Variants in DOT1L observed in about 807,000 individuals in gnomAD.
The protein encoded by DOT1L is histone-lysine N-methyltransferase, H3 lysine-79 specific.
A neutral mutation model predicts 153.3 loss-of-function variants in DOT1L; 33 were observed. The ratio of observed to expected loss-of-function variants is 0.22; its 90% CI spans 0.16 to 0.29. The LOEUF is 0.29. Ranked by LOEUF, DOT1L falls within the 10% of genes least tolerant of loss-of-function variation. The pLI is 1.00. For synonymous variants in DOT1L, 1,135 were observed against 965.1 expected, an observed-to-expected ratio of 1.18 and a Z score of -3.26; for missense variants, 1,847 against 2,119.9, an observed-to-expected ratio of 0.87 and a Z score of 2.53.
At chr19:2,229,493 CTT>C (rs2024508032) in intron 27 of DOT1L, 2 of 985,488 alleles carry the variant, frequency 2.0e-6, no homozygotes, top group Non-Finnish European at 2.4e-6. Context: ...TGCTGGGTCT[CTT>C]AGGAGATGAG....
Position 2,164,236 on chromosome 19 carries a change from G to A in DOT1L, c.52G>A (p.Ala18Thr), listed in dbSNP as rs2144620411. The stretch of plus-strand genomic sequence containing the variant: ...GAAGTCGCCCGTGGGGGCTGAGCCC[G>A]CCGTCTACCCGTGGCCGCTGCCGGT... ...RLKSPVGAEP[A>T]VYPWPLPVYD... Residue 18 changes from alanine to threonine, a missense_variant, in exon 1 of 28, where the codon GCC (alanine) becomes ACC (threonine). By Grantham distance (58) the Ala-to-Thr change is moderately conservative. Transcript: ENST00000398665. The A allele has an allele frequency of 1.6e-6, 2 of 1,269,320 alleles. No individual in the cohort carries two copies. 78.6% of individuals were successfully genotyped at this position (1,269,320 alleles called of 1,614,324 possible). A position where few individuals can be genotyped will look rare whatever the true frequency, so the allele number is the denominator to read the frequency against.
chr19:2,192,672 CAA>C (rs71176526), intron 5 of DOT1L, among the ~76,000 whole-genome samples: 3,096 of 95,026 alleles, frequency 0.033, 104 homozygotes, highest in African/African-American at 0.12. Context: ...GACTCCGTCT[CAA>C]AAAAAAAAAA....
chr19:2,200,467 C>T (rs1293070353), intron 8 of DOT1L, among the ~76,000 whole-genome samples: 2 of 152,230 alleles, frequency 1.3e-5, no homozygotes, highest in African/African-American at 4.8e-5. Flanking sequence ...CCTGTTTGTC[C>T]TGGTGGCCAC....
intron 1 of DOT1L, among the ~76,000 whole-genome samples, chr19:2,179,817 T>C (rs929944726): frequency 1.3e-5 from 2 of 152,166 alleles, no homozygotes; most frequent in Non-Finnish European, 2.9e-5. Flanking sequence ...AAAAAAGACA[T>C]GGGCTCTCGC....
intron 9 of DOT1L, among the ~76,000 whole-genome samples, chr19:2,205,003 C>G (rs1182180950): frequency 1.3e-5 from 2 of 151,822 alleles, no homozygotes; most frequent in Non-Finnish European, 2.9e-5. Flanking sequence ...CGGAGTCTCA[C>G]TCTGTCGCCC....
chr19:2,178,808 A>G (rs1041692292), intron 1 of DOT1L, among the ~76,000 whole-genome samples: 3 of 152,030 alleles, frequency 2.0e-5, no homozygotes, highest in Non-Finnish European at 4.4e-5. Flanking sequence ...CTCGTGATCC[A>G]CCTGCCTCAG....
At chr19:2,210,569 C>G in intron 13 of DOT1L, 52 bp from the exon 14 acceptor site, 2 of 1,596,542 alleles carry the variant, frequency 1.3e-6, no homozygotes, top group Non-Finnish European at 1.7e-6. Context: ...CCGGGAGACC[C>G]CATGGGTGGG....
chr19:2,226,215 G>A lies in DOT1L; in HGVS notation c.3694G>A (p.Ala1232Thr), dbSNP rs954955213. 1.6e-5 allele frequency: 24 copies of A among 1,525,642 alleles called. No individual in the cohort carries two copies. Among genetic ancestry groups the A allele is most frequent in the Admixed American group, 2.0e-5 (1 of 49,088 alleles). 94.5% of individuals were successfully genotyped at this position (1,525,642 alleles called of 1,614,324 possible). A position where few individuals can be genotyped will look rare whatever the true frequency, so the allele number is the denominator to read the frequency against. Residue 1232 changes from alanine to threonine, a missense_variant, in exon 27 of 28, where the codon GCC becomes ACC. Ala to Thr is a moderately conservative substitution (Grantham distance 58). This residue lies in a region of DOT1L where 934 missense variants were observed against 825.3 expected (regional missense o/e 1.13). Coordinates refer to ENST00000398665, the MANE Select transcript of DOT1L (RefSeq NM_032482.3). ...CTTGGCGGGAAGGAAGCCCGCGCCC[G>A]CCGGCGAGCCAGTCAATAGCAGCAA... ...GGLAGRKPAP[A>T]GEPVNSSKWK...
intron 3 of DOT1L, among the ~76,000 whole-genome samples, chr19:2,187,782 C>T (rs191971773): frequency 8.4e-4 from 128 of 152,182 alleles, no homozygotes; most frequent in East Asian, 7.5e-3. Flanking sequence ...ATTAGCCGGG[C>T]GTGGTGGCGG....
chr19:2,210,909 G>T (rs888247468), intron 14 of DOT1L, 54 bp downstream of exon 14: 47 of 1,590,112 alleles, frequency 3.0e-5, no homozygotes, highest in Non-Finnish European at 3.9e-5. Flanking sequence ...GATGCCTGGG[G>T]TCCCCTCTGC....
In DOT1L at chr19:2,226,796, C is replaced by T. The variant is rs751490828; in HGVS notation, c.4275C>T (p.Asn1425=). 1.8e-5 allele frequency: 28 copies of T among 1,579,698 alleles called. No individual in the cohort carries two copies. The highest frequency in any genetic ancestry group is 6.9e-5 in the African/African-American group (5 of 72,804). The change falls in exon 27 of 28, where the codon AAC becomes AAT. Residue 1425 remains asparagine, a synonymous_variant. Transcript: ENST00000398665. ...DREVDLKNGH[N]LFISAAAVPP... The stretch of plus-strand genomic sequence containing the variant: ...AGGTCGACCTCAAGAATGGCCACAA[C>T]CTCTTCATCTCTGCGGCGGCCGTGC...
At position 2,216,840 on chromosome 19, in the gene DOT1L, T is replaced by G. The variant is rs945416311; in HGVS notation, c.2408+75T>G. ...TGCCTGGTGTGCTCAGGCTGTCGGG[T>G]TCTCAGCAGGAGTGTGTTTGTTGAG... On this transcript the variant is annotated intron_variant, in intron 20 of 27. Coordinates refer to ENST00000398665, the MANE Select transcript of DOT1L (RefSeq NM_032482.3). 4.5e-6 allele frequency: 7 copies of G among 1,554,208 alleles called. No homozygotes were observed. The African/African-American group carries it at 9.5e-5, about 21-fold the overall frequency.
intron 1 of DOT1L, among the ~76,000 whole-genome samples, chr19:2,165,768 CA>C (rs1466155224): frequency 6.9e-6 from 1 of 144,568 alleles, no homozygotes; most frequent in Non-Finnish European, 1.5e-5. Flanking sequence ...CATGGCTTCA[CA>C]TTTTTTTTTT....
rs1433806580 is a variant in DOT1L at position 2,231,818 on chromosome 19, C to CA, written c.*2027dup. On this transcript the variant is annotated 3_prime_UTR_variant, in exon 28 of 28. Coordinates refer to ENST00000398665, the MANE Select transcript of DOT1L (RefSeq NM_032482.3). ...TAGGTGACAGTGGCAGTCCGGGTGC[C>CA]ATCACGGGTCCTGCAGATGGCCATG... 4 of 218,810 alleles carry CA rather than the reference C, an allele frequency of 1.8e-5. No individual in the cohort carries two copies. Among genetic ancestry groups the CA allele is most frequent in the Admixed American group, 5.8e-5 (1 of 17,206 alleles). The allele number at this position is 218,810 out of a possible 1,614,324, so 13.6% of individuals were successfully genotyped here.
At chr19:2,200,690 C>T (rs563051581) in intron 8 of DOT1L, among the ~76,000 whole-genome samples, 19 of 152,180 alleles carry the variant, frequency 1.2e-4, no homozygotes, top group African/African-American at 4.6e-4. Flanking sequence ...GTCCTCTCTG[C>T]GCCCCTCGTC....
In DOT1L at chr19:2,164,244, C is replaced by A; in HGVS notation, c.60C>A (p.Tyr20Ter). 7.8e-7 allele frequency: 1 copy of A among 1,283,428 alleles called. No homozygotes were observed. The highest frequency in any genetic ancestry group is 9.9e-7 in the Non-Finnish European group (1 of 1,011,950). The allele number at this position is 1,283,428 out of a possible 1,614,324, so 79.5% of individuals were successfully genotyped here. ...KSPVGAEPAV[Y>*]PWPLPVYDKH... ...CCGTGGGGGCTGAGCCCGCCGTCTA[C>A]CCGTGGCCGCTGCCGGTCTACGTGA... Residue 20 changes from tyrosine to a stop codon, truncating the protein, a stop_gained, in exon 1 of 28, where the codon TAC becomes TAA. Transcript: ENST00000398665. LOFTEE classifies it high-confidence loss of function.
chr19:2,211,965 C>T, intron 16 of DOT1L, 123 bp downstream of exon 16: 2 of 849,412 alleles, frequency 2.4e-6, no homozygotes, highest in Non-Finnish European at 3.5e-6. Flanking sequence ...CCCTCCTCTG[C>T]TCACCTGCTG....
At position 2,204,315 on chromosome 19, in the gene DOT1L, GTC is replaced by G. The variant is rs890563989; in HGVS notation, c.787+1542_787+1543del. Among the ~76,000 whole-genome samples the G allele has an allele frequency of 3.9e-5, 6 of 152,008 alleles. No homozygotes were observed. The highest frequency in any genetic ancestry group is 8.8e-5 in the Non-Finnish European group (6 of 68,010). ...TCTGTGTGTGTGCATGCATGCCTGT[GTC>G]TCTCTGCGTCTGTGTGCCTTGGGAG... On this transcript the variant is annotated intron_variant, in intron 9 of 27. Transcript: ENST00000398665. The surrounding 1 kb of genome is among the most constrained non-coding windows in gnomAD (Gnocchi z 5.7).
chr19:2,188,101 G>C (rs2022620379), intron 3 of DOT1L: 1 of 152,294 alleles, frequency 6.6e-6, no homozygotes, highest in Non-Finnish European at 1.5e-5. Context: ...TCCTCCGGAG[G>C]ATCCAGGTCC....
Sources: gnomAD v4.1 joint callset for allele counts (sites outside exome capture counted in the v4.1 genomes callset) on GRCh38, gnomAD v4.1.1 for gene constraint, gnomAD v4.1.1 regional missense constraint, Gnocchi (gnomAD v3.1) non-coding constraint, MANE v1.5 for transcripts, NCBI Gene and HGNC (gene_info 2026-07-23, HGNC 2026-07-21) for gene names.